NHSL3: variants seen among roughly 807,000 people sequenced by gnomAD.
The protein encoded by NHSL3 is NHS like 3, also known as NHS-like protein 3.
chr1:32,770,141 T>G, the NHSL3 span: 3 of 1,580,224 alleles, frequency 1.9e-6, no homozygotes. The surrounding 1 kb of genome is among the most constrained non-coding windows in gnomAD (Gnocchi z 8.3). Context: ...ACCCGGCCCA[T>G]GTCCCTAGCA....
At chr1:32,772,946 G>C in the NHSL3 span, 1 of 1,561,640 alleles carries the variant, frequency 6.4e-7, no homozygotes, top group Non-Finnish European at 8.8e-7. Flanking sequence ...TCAGGGACCC[G>C]AGCAGCTCCA....
At chr1:32,772,775 G>C in the NHSL3 span, 2 of 1,258,812 alleles carry the variant, frequency 1.6e-6, no homozygotes, top group Non-Finnish European at 2.3e-6. Flanking sequence ...GCGGTAAGAA[G>C]GTTGGGTGAG....
the NHSL3 span, among the ~76,000 whole-genome samples, chr1:32,751,166 C>T: frequency 6.6e-6 from 1 of 152,174 alleles, no homozygotes; most frequent in African/African-American, 2.4e-5. Flanking sequence ...CTTGTGGTTC[C>T]TGGAGTTCTG....
chr1:32,772,741 T>G, the NHSL3 span: 3 of 971,968 alleles, frequency 3.1e-6, no homozygotes, highest in Non-Finnish European at 4.9e-6. Context: ...AGCCCAGTGC[T>G]GCGGGCACTG....
the NHSL3 span, among the ~76,000 whole-genome samples, chr1:32,750,632 C>T: frequency 2.6e-5 from 4 of 151,454 alleles, no homozygotes; most frequent in Admixed American, 6.6e-5. Context: ...CTCAGCCTCC[C>T]GAGTAGCTGG....
the NHSL3 span, among the ~76,000 whole-genome samples, chr1:32,746,512 A>G: frequency 1.3e-5 from 2 of 152,168 alleles, no homozygotes; most frequent in Non-Finnish European, 2.9e-5. Context: ...CATTTTCATC[A>G]AAGTCTTCCT....
the NHSL3 span, among the ~76,000 whole-genome samples, chr1:32,742,399 G>A: frequency 2.0e-5 from 3 of 152,362 alleles, no homozygotes; most frequent in Admixed American, 6.5e-5. Flanking sequence ...GCTGTGAGGG[G>A]AGGGGACCCC....
the NHSL3 span, among the ~76,000 whole-genome samples, chr1:32,756,451 C>T: frequency 1.6e-5 from 2 of 123,754 alleles, no homozygotes; most frequent in Non-Finnish European, 3.3e-5. Flanking sequence ...TTGAGAGTAG[C>T]TTGGGGCAAC....
chr1:32,762,889 G>A, the NHSL3 span, among the ~76,000 whole-genome samples: 1 of 151,834 alleles, frequency 6.6e-6, no homozygotes, highest in Non-Finnish European at 1.5e-5. Context: ...CGCCCGGCCC[G>A]GTCTTGAACT....
At chr1:32,760,423 TC>T in the NHSL3 span, among the ~76,000 whole-genome samples, 1 of 152,242 alleles carries the variant, frequency 6.6e-6, no homozygotes, top group East Asian at 1.9e-4. Flanking sequence ...CCCCGATTCT[TC>T]CCTTTCCCCA....
chr1:32,774,956 A>C, the NHSL3 span: 1 of 152,568 alleles, frequency 6.6e-6, no homozygotes, highest in Non-Finnish European at 1.5e-5. Flanking sequence ...ATGTTAATTA[A>C]ATGATTGAAA....
the NHSL3 span, chr1:32,772,729 C>T: frequency 1.6e-5 from 15 of 910,548 alleles, no homozygotes; most frequent in East Asian, 3.8e-4. Context: ...TGTAGGGTGT[C>T]CAGCCCAGTG....
chr1:32,770,949 TCCCACCCTCCCTCCCAAGG>T, the NHSL3 span: 1 of 1,563,256 alleles, frequency 6.4e-7, no homozygotes. This position sits in a 1 kb window ranked among gnomAD's most constrained non-coding sequence, Gnocchi z 8.3. Flanking sequence ...AAAGTGGTAC[TCCCACCCTCCCTCCCAAGG>T]GCCTGGCAGG....
At chr1:32,773,018 C>T in the NHSL3 span, 77 of 836,712 alleles carry the variant, frequency 9.2e-5, no homozygotes, top group East Asian at 1.0e-3. Flanking sequence ...TTAACCTCCA[C>T]GGCCTTCGAT....
At chr1:32,763,156 G>T in the NHSL3 span, among the ~76,000 whole-genome samples, 1 of 150,884 alleles carries the variant, frequency 6.6e-6, no homozygotes, top group African/African-American at 2.4e-5. Flanking sequence ...GCTCATTTTT[G>T]TGTTTTTAGT....
At chr1:32,768,166 C>CCCT in the NHSL3 span, 3 of 1,254,608 alleles carry the variant, frequency 2.4e-6, no homozygotes, top group Non-Finnish European at 3.5e-6. Flanking sequence ...CCTGCTTGAC[C>CCCT]CCTGGCAAGG....
chr1:32,754,199 G>A, the NHSL3 span: 1 of 709,382 alleles, frequency 1.4e-6, no homozygotes, highest in South Asian at 1.5e-5. Context: ...CGGGGTGGGG[G>A]CGGGGCAGGC....
the NHSL3 span, chr1:32,772,941 G>C: frequency 3.2e-6 from 5 of 1,578,618 alleles, no homozygotes; most frequent in Non-Finnish European, 4.4e-6. Context: ...CAATCTCAGG[G>C]ACCCGAGCAG....
the NHSL3 span, chr1:32,770,148 A>G: frequency 1.9e-6 from 3 of 1,589,850 alleles, no homozygotes; most frequent in African/African-American, 2.7e-5. This position sits in a 1 kb window ranked among gnomAD's most constrained non-coding sequence, Gnocchi z 8.3. Flanking sequence ...CCATGTCCCT[A>G]GCAGTGCCTG....
Sources: gnomAD v4.1 joint callset for allele counts (sites outside exome capture counted in the v4.1 genomes callset) on GRCh38, gnomAD v4.1.1 for gene constraint, Gnocchi (gnomAD v3.1) non-coding constraint, MANE v1.5 for transcripts, NCBI Gene and HGNC (gene_info 2026-07-23, HGNC 2026-07-21) for gene names.